Variants in UGGT2 observed in about 807,000 individuals in gnomAD.
The protein encoded by UGGT2 is UDP-glucose glycoprotein glucosyltransferase 2, also known as UDP-glucose:glycoprotein glucosyltransferase 2.
A neutral mutation model predicts 192.1 loss-of-function variants in UGGT2; 180 were observed. The ratio of observed to expected loss-of-function variants is 0.94; its 90% confidence interval spans 0.83 to 1.06. The LOEUF is 1.06. Among genes scored for constraint, UGGT2 ranks in the 50% least tolerant of loss-of-function variants. The probability of loss-of-function intolerance (pLI) is 0.00; values close to 1 mark genes in which losing one functional copy is unlikely to be tolerated. For synonymous variants in UGGT2, 580 were observed against 591.0 expected (o/e 0.98, Z 0.27); for missense variants, 1,849 against 1,795.7 (o/e 1.03, Z -0.54).
chr13:95,832,255 GT>G (rs745438944), intron 38 of UGGT2, among the ~76,000 whole-genome samples: 315 of 152,126 alleles, frequency 2.1e-3, no homozygotes, highest in Non-Finnish European at 3.6e-3. Context: ...AGTTCAGGGG[GT>G]TTTTTAAGAA....
At chr13:95,975,914 G>A (rs1337783798) in intron 10 of UGGT2, among the ~76,000 whole-genome samples, 1 of 152,102 alleles carries the variant, frequency 6.6e-6, no homozygotes, top group Non-Finnish European at 1.5e-5. Flanking sequence ...GATCAAAGCA[G>A]GGTAATTGGG....
At chr13:95,836,083 CTT>C (rs1016523916) in intron 37 of UGGT2, among the ~76,000 whole-genome samples, 4 of 151,990 alleles carry the variant, frequency 2.6e-5, no homozygotes, top group African/African-American at 9.7e-5. Flanking sequence ...GAGTTTTGCT[CTT>C]GTCTCCAGGC....
chr13:95,816,893 G>A (rs1313769950), intron 38 of UGGT2, among the ~76,000 whole-genome samples: 2 of 151,962 alleles, frequency 1.3e-5, no homozygotes, highest in African/African-American at 2.4e-5. Flanking sequence ...TTGGGAGGCC[G>A]AGGCAGGTGG....
At chr13:95,908,566 G>C (rs1013246375) in intron 20 of UGGT2, among the ~76,000 whole-genome samples, 1 of 152,010 alleles carries the variant, frequency 6.6e-6, no homozygotes, top group Non-Finnish European at 1.5e-5. Flanking sequence ...CCCACCAACA[G>C]TGTAAAAGTG....
At chr13:96,034,152 A>G (rs910424739) in intron 1 of UGGT2, among the ~76,000 whole-genome samples, 21 of 152,154 alleles carry the variant, frequency 1.4e-4, no homozygotes, top group African/African-American at 4.8e-4. Context: ...CTGCCTGTGG[A>G]TAGGAGCTAC....
chr13:96,032,344 G>GA (rs566558631), intron 1 of UGGT2, among the ~76,000 whole-genome samples: 3 of 150,976 alleles, frequency 2.0e-5, no homozygotes, highest in South Asian at 2.1e-4. Context: ...GTAAAAAGTA[G>GA]AAAAAAAAGA....
At chr13:96,008,555 C>T (rs1652626481) in intron 5 of UGGT2, among the ~76,000 whole-genome samples, 1 of 152,146 alleles carries the variant, frequency 6.6e-6, no homozygotes, top group Admixed American at 6.5e-5. Flanking sequence ...AATCAATGTA[C>T]AAAAATCACT....
intron 20 of UGGT2, among the ~76,000 whole-genome samples, chr13:95,922,352 G>A (rs371364850): frequency 1.3e-5 from 2 of 152,144 alleles, no homozygotes; most frequent in East Asian, 1.9e-4. Context: ...CTACCTATCA[G>A]GTACTATGTT....
intron 12 of UGGT2, among the ~76,000 whole-genome samples, chr13:95,954,621 C>T (rs1482913616): frequency 6.6e-6 from 1 of 152,202 alleles, no homozygotes; most frequent in Non-Finnish European, 1.5e-5. Flanking sequence ...CAGCCAACTA[C>T]CAACTAGAAA....
At chr13:95,948,544 G>T (rs903146181) in intron 13 of UGGT2, among the ~76,000 whole-genome samples, 1 of 152,048 alleles carries the variant, frequency 6.6e-6, no homozygotes, top group Non-Finnish European at 1.5e-5. Flanking sequence ...AAAAACAGCC[G>T]TAGGTATTTT....
Position 95,996,100 on chromosome 13 carries a change from T to C in UGGT2, c.793A>G (p.Thr265Ala). 1 of 1,613,794 alleles carries C rather than the reference T, an allele frequency of 6.2e-7. No homozygotes were observed. Among genetic ancestry groups the C allele is most frequent in the Non-Finnish European group, 8.5e-7 (1 of 1,179,894 alleles). The change falls in exon 7 of 39, where the codon ACA becomes GCA. Residue 265 changes from threonine (T) to alanine (A), a missense_variant. By Grantham distance (58) the Thr-to-Ala change is moderately conservative. Coordinates refer to ENST00000376747, the MANE Select transcript of UGGT2 (RefSeq NM_020121.4). ...TNTTVEDETETNEVQGFLFGK... is the reference protein window; with the variant it reads ...TNTTVEDETEANEVQGFLFGK... ...AAGAGAAATCCTTGAACTTCATTTGTTTCAGTCTCATCCTCTACAGTAGTA... is the reference window on the plus strand; with the variant it reads ...AAGAGAAATCCTTGAACTTCATTTGCTTCAGTCTCATCCTCTACAGTAGTA...
At chr13:95,945,669 C>T (rs2049841599) in intron 15 of UGGT2, among the ~76,000 whole-genome samples, 1 of 152,092 alleles carries the variant, frequency 6.6e-6, no homozygotes, top group African/African-American at 2.4e-5. Flanking sequence ...TGATCCTTTA[C>T]AATAAAATGG....
intron 10 of UGGT2, among the ~76,000 whole-genome samples, chr13:95,977,358 AAAAC>A (rs1186997911): frequency 6.6e-6 from 1 of 152,204 alleles, no homozygotes; most frequent in African/African-American, 2.4e-5. Flanking sequence ...TTTACAAGAA[AAAAC>A]AAACAACTCC....
Position 95,925,712 on chromosome 13 carries a change from T to C in UGGT2, c.2263A>G (p.Arg755Gly), listed in dbSNP as rs768888081. 6.3e-7 allele frequency: 1 copy of C among 1,578,048 alleles called. No homozygotes were observed. The highest frequency in any genetic ancestry group is 8.6e-7 in the Non-Finnish European group (1 of 1,159,070). ...IIADFDKPSG[R>G]KLLFNALKHM... ...TTTAATGCATTAAAAAGAAGTTTTCTCCCAGAAGGCTTATCAAAATCTGCA... is the reference window on the plus strand; with the variant it reads ...TTTAATGCATTAAAAAGAAGTTTTCCCCCAGAAGGCTTATCAAAATCTGCA... The change falls in exon 20 of 39, where the codon AGA becomes GGA. Residue 755 changes from arginine to glycine, a missense_variant. By Grantham distance (125) the Arg-to-Gly change is moderately radical. Coordinates refer to ENST00000376747, the MANE Select transcript of UGGT2 (RefSeq NM_020121.4).
chr13:95,998,930 T>C (rs2051710032), intron 6 of UGGT2, among the ~76,000 whole-genome samples: 1 of 152,204 alleles, frequency 6.6e-6, no homozygotes, highest in Admixed American at 6.5e-5. Context: ...TTACATATAC[T>C]ATCAATTGTT....
chr13:95,925,806 C>CT (rs368238974), intron 19 of UGGT2, 32 bp from the exon 20 acceptor site: 396 of 1,441,622 alleles, frequency 2.7e-4, no homozygotes, highest in South Asian at 5.4e-4. Context: ...CTCAAATTAA[C>CT]TTTTTTTTTA....
intron 6 of UGGT2, among the ~76,000 whole-genome samples, chr13:95,997,176 C>G (rs1003923857): frequency 6.6e-6 from 1 of 152,144 alleles, no homozygotes; most frequent in Non-Finnish European, 1.5e-5. Flanking sequence ...CATTTATTGA[C>G]TGCTTACTAT....
intron 37 of UGGT2, among the ~76,000 whole-genome samples, chr13:95,835,073 T>C (rs550635148): frequency 2.0e-5 from 3 of 152,296 alleles, no homozygotes; most frequent in African/African-American, 4.8e-5. Context: ...AAATTAGTAA[T>C]GAGATATATG....
Position 96,006,785 on chromosome 13 carries a change from G to A in UGGT2, c.660+6522C>T, listed in dbSNP as rs183429534. ...CTGAGCAGAACACTCAGGAGCTGTGGGATAGTACCACACATGGGAAACATC... is the reference window on the plus strand; with the variant it reads ...CTGAGCAGAACACTCAGGAGCTGTGAGATAGTACCACACATGGGAAACATC... On this transcript the variant is annotated intron_variant, in intron 5 of 38. Transcript: ENST00000376747. 3.4e-3 allele frequency among the ~76,000 whole-genome samples: 522 copies of A among 152,138 alleles called. 5 individuals are homozygous for A. Among genetic ancestry groups the A allele is most frequent in the Non-Finnish European group, 3.1e-3 (214 of 67,994 alleles).
Sources: allele counts gnomAD v4.1 joint callset (sites outside exome capture counted in the v4.1 genomes callset), GRCh38; gene constraint gnomAD v4.1.1; transcripts MANE v1.5; gene names NCBI Gene and HGNC (gene_info 2026-07-23, HGNC 2026-07-21).